ZDHHC5: variants seen among roughly 807,000 people sequenced by gnomAD.
The protein encoded by ZDHHC5 is palmitoyltransferase ZDHHC5.
Under a neutral mutation model 70.0 loss-of-function variants are expected in ZDHHC5, and 22 were observed. That is an observed-to-expected ratio of 0.31 (90% CI 0.22 to 0.45). The LOEUF is 0.45. ZDHHC5 is among the 20% of genes least tolerant of loss of function. The pLI is 1.00. For synonymous variants in ZDHHC5, 313 were observed against 347.8 expected, an observed-to-expected ratio of 0.90 and a Z score of 1.11; for missense variants, 746 against 926.9, an observed-to-expected ratio of 0.80 and a Z score of 2.53.
intron 8 of ZDHHC5, 84 bp downstream of exon 8, chr11:57,693,999 G>C (rs967433758): frequency 2.5e-6 from 3 of 1,214,622 alleles, no homozygotes; most frequent in African/African-American, 2.0e-5. Flanking sequence ...AGTTTCCTTT[G>C]TGTTTTTTTT....
intron 4 of ZDHHC5, among the ~76,000 whole-genome samples, chr11:57,689,384 T>G (rs567050495): frequency 1.0e-3 from 151 of 151,482 alleles, no homozygotes; most frequent in Non-Finnish European, 2.0e-3. Context: ...TATATATATT[T>G]ATTTATTTAT....
Position 57,700,181 on chromosome 11 carries a change from C to G in ZDHHC5, c.*150C>G. On this transcript the variant is annotated 3_prime_UTR_variant, in exon 12 of 12. Transcript: ENST00000287169. ...AGGATGAGGAGTGTTTTCTAAAATG[C>G]AGTAGGCTTGGGGAGTCGGAGAGTT... The G allele has an allele frequency of 9.1e-7, 1 of 1,100,138 alleles. No individual in the cohort carries two copies. Among genetic ancestry groups the G allele is most frequent in the Non-Finnish European group, 1.2e-6 (1 of 803,054 alleles). 68.1% of individuals were successfully genotyped at this position (1,100,138 alleles called of 1,614,324 possible). A position where few individuals can be genotyped will look rare whatever the true frequency, so the allele number is the denominator to read the frequency against.
rs1158622161 is a variant in ZDHHC5, at chr11:57,668,135, C to G, written c.-1123C>G. 5.4e-6 allele frequency: 2 copies of G among 370,550 alleles called. No homozygotes were observed. Among genetic ancestry groups the G allele is most frequent in the Non-Finnish European group, 9.6e-6 (2 of 208,072 alleles). The allele number at this position is 370,550 out of a possible 1,614,324, so 23.0% of individuals were successfully genotyped here. A position where few individuals can be genotyped will look rare whatever the true frequency, so the allele number is the denominator to read the frequency against. On this transcript the variant is annotated 5_prime_UTR_variant, in exon 1 of 12. Coordinates refer to ENST00000287169, the MANE Select transcript of ZDHHC5 (RefSeq NM_015457.3). The stretch of plus-strand genomic sequence containing the variant: ...GCTTCTCTGAGGCAGGACGGCACTG[C>G]CGGGAGGCGGCGGTGACAACGACGG...
rs956386202 is a variant in ZDHHC5, at chr11:57,700,783, C to G, written c.*752C>G. Reference sequence around the variant, plus strand: ...CAAGACACTGGTGGTGGTGGGAGATCAGGAAAATAACTTGGCCTAGCTCAA... The same window carrying G: ...CAAGACACTGGTGGTGGTGGGAGATGAGGAAAATAACTTGGCCTAGCTCAA... On this transcript the variant is annotated 3_prime_UTR_variant, in exon 12 of 12. Transcript: ENST00000287169. The G allele has an allele frequency of 6.6e-6, 1 of 152,552 alleles. No individual in the cohort carries two copies. The highest frequency in any genetic ancestry group is 2.4e-5 in the African/African-American group (1 of 41,422). 9.4% of individuals were successfully genotyped at this position (152,552 alleles called of 1,614,324 possible).
At chr11:57,697,474 AAAT>A (rs1946367725) in intron 10 of ZDHHC5, among the ~76,000 whole-genome samples, 2 of 149,280 alleles carry the variant, frequency 1.3e-5, no homozygotes, top group African/African-American at 4.9e-5. Context: ...AAAAAAAAAT[AAAT>A]AAATAAATAC....
chr11:57,691,154 C>T (rs564274554), intron 6 of ZDHHC5, among the ~76,000 whole-genome samples: 2 of 152,188 alleles, frequency 1.3e-5, no homozygotes, highest in Admixed American at 1.3e-4. Flanking sequence ...TCACTGCAAC[C>T]TCTGCCTCCT....
rs1467543916 is a variant in ZDHHC5, at chr11:57,700,629, T to C, written c.*598T>C. ...AATAGCATCCTCTGCTGGTGCTAAG[T>C]GTGATTAGGAAGAAGCCTGGGGAGA... On this transcript the variant is annotated 3_prime_UTR_variant, in exon 12 of 12. Coordinates refer to ENST00000287169, the MANE Select transcript of ZDHHC5 (RefSeq NM_015457.3). 1.3e-5 allele frequency: 2 copies of C among 152,362 alleles called. No individual in the cohort carries two copies. The highest frequency in any genetic ancestry group is 2.9e-5 in the Non-Finnish European group (2 of 68,000). The allele number at this position is 152,362 out of a possible 1,614,324, so 9.4% of individuals were successfully genotyped here. A position where few individuals can be genotyped will look rare whatever the true frequency, so the allele number is the denominator to read the frequency against.
At chr11:57,679,790 A>G (rs1304458450) in intron 2 of ZDHHC5, among the ~76,000 whole-genome samples, 1 of 152,072 alleles carries the variant, frequency 6.6e-6, no homozygotes, top group East Asian at 1.9e-4. Flanking sequence ...AATTTGGGAT[A>G]TGGCAAGAAC....
intron 1 of ZDHHC5, among the ~76,000 whole-genome samples, chr11:57,670,846 G>C (rs1945997650): frequency 1.4e-5 from 2 of 142,854 alleles, no homozygotes; most frequent in African/African-American, 5.2e-5. Flanking sequence ...TTTTGAGACA[G>C]AGTCTTGCTC....
In ZDHHC5 at chr11:57,682,408, T is replaced by C. The variant is rs745756647; in HGVS notation, c.105-14T>C. 2.5e-6 allele frequency: 4 copies of C among 1,598,694 alleles called. No individual in the cohort carries two copies. The highest frequency in any genetic ancestry group is 2.3e-5 in the East Asian group (1 of 44,274). ...ATTAGAGGCAACCCCTCATTTTCTT[T>C]ATTGTCTGTGCAGGTGTCCAGGACT... On this transcript the variant is annotated splice_polypyrimidine_tract_variant and intron_variant, in intron 2 of 11. Coordinates refer to ENST00000287169, the MANE Select transcript of ZDHHC5 (RefSeq NM_015457.3).
chr11:57,677,474 T>G (rs1946087140), intron 2 of ZDHHC5, among the ~76,000 whole-genome samples: 1 of 151,628 alleles, frequency 6.6e-6, no homozygotes, highest in Non-Finnish European at 1.5e-5. Context: ...TTTAGTAGAG[T>G]TGGGGTTTCA....
intron 2 of ZDHHC5, among the ~76,000 whole-genome samples, chr11:57,675,061 T>C (rs974084880): frequency 1.3e-5 from 2 of 152,348 alleles, no homozygotes; most frequent in South Asian, 4.1e-4. Context: ...TTGTTTTGGT[T>C]TTTGCTAATA....
Position 57,696,058 on chromosome 11 carries a change from G to A in ZDHHC5, c.1009+15G>A, listed in dbSNP as rs751210699. On this transcript the variant is annotated intron_variant, in intron 9 of 11. Transcript: ENST00000287169. ...TACTAATGAGGGTAAGGGCTGCCTT[G>A]ATTTGCAAGATACTAGAACTAGGGG... 8 of 1,602,954 alleles carry A rather than the reference G, an allele frequency of 5.0e-6. No individual in the cohort carries two copies. In the South Asian group the frequency reaches 6.7e-5, roughly 13 times the overall value.
rs574352985 is a variant in ZDHHC5, at chr11:57,696,791, C to G, written c.1040C>G (p.Pro347Arg). 1.9e-6 allele frequency: 3 copies of G among 1,614,014 alleles called. No homozygotes were observed. The highest frequency in any genetic ancestry group is 3.3e-5 in the Admixed American group (2 of 60,024). Residue 347 changes from proline (P) to arginine (R), a missense_variant, in exon 10 of 12, where the codon CCG (proline) becomes CGG (arginine). Pro to Arg is a moderately radical substitution (Grantham distance 103). Around this residue, in one of 6 missense-constraint regions of ZDHHC5, gnomAD observed 179 missense variants for 178.4 expected, o/e 1.00. Transcript: ENST00000287169. Reference sequence around the variant, plus strand: ...AGCTTATTGGCCAAGGACAGCCCCCCGACACCTACCATGTACAAGTATCGG... The same window carrying G: ...AGCTTATTGGCCAAGGACAGCCCCCGGACACCTACCATGTACAAGTATCGG... ...DSSLLAKDSP[P>R]TPTMYKYRPG...
At chr11:57,676,307 A>G (rs1946070218) in intron 2 of ZDHHC5, among the ~76,000 whole-genome samples, 1 of 152,130 alleles carries the variant, frequency 6.6e-6, no homozygotes, top group South Asian at 2.1e-4. Flanking sequence ...CAGCACTAAA[A>G]CTAAGGAATG....
chr11:57,678,976 T>C (rs959499387), intron 2 of ZDHHC5, among the ~76,000 whole-genome samples: 1 of 152,168 alleles, frequency 6.6e-6, no homozygotes, highest in Non-Finnish European at 1.5e-5. Flanking sequence ...AGGCCTTGCA[T>C]AGAGAAGTAT....
intron 9 of ZDHHC5, among the ~76,000 whole-genome samples, chr11:57,696,307 C>T (rs1946350998): frequency 1.3e-5 from 2 of 152,176 alleles, no homozygotes; most frequent in Non-Finnish European, 2.9e-5. Flanking sequence ...GGTGCATTTA[C>T]CCACCCTGAA....
chr11:57,683,973 T>A lies in ZDHHC5; in HGVS notation c.226+1430T>A, dbSNP rs536070709. Among the ~76,000 whole-genome samples the A allele has an allele frequency of 1.6e-3, 31 of 19,066 alleles. No individual in the cohort carries two copies. In the East Asian group the frequency reaches 0.14, roughly 84 times the overall value. The allele number at this position is 19,066 out of a possible 152,430, so 12.5% of individuals were successfully genotyped here. ...ATTTTTTTTGGTAACTAATAATTAA[T>A]TTTTTTTTTTTTTTTTGAGACAGCG... On this transcript the variant is annotated intron_variant, in intron 3 of 11. Transcript: ENST00000287169.
In ZDHHC5 at chr11:57,699,380, G is replaced by A; in HGVS notation, c.1944G>A (p.Glu648=). 7 of 1,596,744 alleles carry A rather than the reference G, an allele frequency of 4.4e-6. No homozygotes were observed. The highest frequency in any genetic ancestry group is 6.0e-6 in the Non-Finnish European group (7 of 1,170,658). ...AAAAAGCCCAACCTGGTGTCTCTGA[G>A]ACAGAAGAAGTGGCCTTGCAGCCAT... The part of the protein sequence containing the change: ...SSQKAQPGVS[E]TEEVALQPLL... Residue 648 remains glutamate, a synonymous_variant, in exon 11 of 12, where the codon GAG becomes GAA. Transcript: ENST00000287169.
Sources: gnomAD v4.1 joint callset for allele counts (sites outside exome capture counted in the v4.1 genomes callset) on GRCh38, gnomAD v4.1.1 for gene constraint, gnomAD v4.1.1 regional missense constraint, MANE v1.5 for transcripts, NCBI Gene and HGNC (gene_info 2026-07-23, HGNC 2026-07-21) for gene names.